ANXA3: variants seen among roughly 807,000 people sequenced by gnomAD.
ANXA3 encodes annexin A3, also known as 35-alpha calcimedin.
A neutral mutation model predicts 48.8 loss-of-function variants in ANXA3; 46 were observed. The ratio of observed to expected loss-of-function variants is 0.94; its 90% CI spans 0.74 to 1.21. ANXA3 has a LOEUF of 1.21. ANXA3 is among the 50% of genes most tolerant of loss of function. The pLI is 0.00. For synonymous variants in ANXA3, 128 were observed against 134.7 expected (o/e 0.95, Z 0.35); for missense variants, 383 against 378.6 (o/e 1.01, Z -0.10).
In ANXA3 at chr4:78,582,216, T is replaced by C; in HGVS notation, c.238T>C (p.Phe80Leu). The change falls in exon 5 of 13, where the codon TTT (phenylalanine) becomes CTT (leucine). Residue 80 changes from phenylalanine to leucine, a missense_variant. Transcript: ENST00000264908. ...CTTGAAGGGTGATCTCTCTGGCCACTTTGAGCATCTCATGGTGGCCCTAGT... is the reference window on the plus strand; with the variant it reads ...CTTGAAGGGTGATCTCTCTGGCCACCTTGAGCATCTCATGGTGGCCCTAGT... Reference protein sequence around the residue: ...DDLKGDLSGHFEHLMVALVTP... With the variant: ...DDLKGDLSGHLEHLMVALVTP... 6.2e-7 allele frequency: 1 copy of C among 1,613,686 alleles called. No homozygotes were observed. The highest frequency in any genetic ancestry group is 8.5e-7 in the Non-Finnish European group (1 of 1,179,622).
At chr4:78,587,162 A>G (rs1723196738) in intron 6 of ANXA3, among the ~76,000 whole-genome samples, 1 of 152,252 alleles carries the variant, frequency 6.6e-6, no homozygotes. Flanking sequence ...TTGATATATC[A>G]TTACCAACCA....
intron 6 of ANXA3, among the ~76,000 whole-genome samples, chr4:78,589,990 T>A (rs1299464356): frequency 2.0e-5 from 3 of 152,232 alleles, no homozygotes; most frequent in Admixed American, 2.0e-4. Flanking sequence ...GATTTTATAC[T>A]CTACTGTGCC....
At chr4:78,591,304 A>G (rs1441508773) in intron 6 of ANXA3, among the ~76,000 whole-genome samples, 1 of 152,178 alleles carries the variant, frequency 6.6e-6, no homozygotes, top group Non-Finnish European at 1.5e-5. Context: ...ATAAACCAAG[A>G]TTTGCTCCAG....
At position 78,551,864 on chromosome 4, in the gene ANXA3, GTTC is replaced by G. The variant is rs1328775783; in HGVS notation, c.-39+6_-39+8del. The G allele has an allele frequency of 6.6e-6, 1 of 152,330 alleles. No homozygotes were observed. The highest frequency in any genetic ancestry group is 1.5e-5 in the Non-Finnish European group (1 of 68,106). The allele number at this position is 152,330 out of a possible 1,614,324, so 9.4% of individuals were successfully genotyped here. On this transcript the variant is annotated splice_donor_region_variant and intron_variant, in intron 1 of 12. Transcript: ENST00000264908. ...GTTTCCCCCACCGCGCTTTGGGTAAGTTCAGCCTCCCGGCGCGTCCCCGCGAGC... is the reference window on the plus strand; with the variant it reads ...GTTTCCCCCACCGCGCTTTGGGTAAGAGCCTCCCGGCGCGTCCCCGCGAGC...
chr4:78,554,724 A>T (rs1257589291), intron 2 of ANXA3, among the ~76,000 whole-genome samples: 1 of 152,268 alleles, frequency 6.6e-6, no homozygotes, highest in Non-Finnish European at 1.5e-5. Context: ...AAAATCAGAT[A>T]ATAAATTTAG....
At chr4:78,586,384 C>A in intron 6 of ANXA3, 34 bp downstream of exon 6, 1 of 1,501,728 alleles carries the variant, frequency 6.7e-7, no homozygotes, top group South Asian at 1.2e-5. Flanking sequence ...CACCACTGTT[C>A]ACACATATTT....
chr4:78,557,592 G>T (rs913056252), intron 2 of ANXA3, among the ~76,000 whole-genome samples: 2 of 152,030 alleles, frequency 1.3e-5, no homozygotes, highest in African/African-American at 4.8e-5. Flanking sequence ...GTGGGGAGGG[G>T]CCAAAAACAG....
intron 2 of ANXA3, among the ~76,000 whole-genome samples, chr4:78,558,231 T>A (rs1722557394): frequency 6.6e-6 from 1 of 152,150 alleles, no homozygotes. Context: ...TAGGAATGAA[T>A]AAGGAAAGAG....
chr4:78,584,618 T>C (rs950699), intron 5 of ANXA3, among the ~76,000 whole-genome samples: 105,731 of 152,058 alleles, frequency 0.7, 36,959 homozygotes, highest in East Asian at 0.87. Context: ...GGGTGCTCAA[T>C]GTATTAATTA....
chr4:78,604,385 T>G lies in ANXA3; in HGVS notation c.898T>G (p.Tyr300Asp), dbSNP rs921621171. ...EFKKHYGYSL[Y>D]SAIKSDTSGD... is the part of the protein sequence containing the mutation. Reference sequence around the variant, plus strand: ...CAAGAAGCATTATGGCTATTCCCTATATTCAGCAATTAAAGTAAGTCTACT... The same window carrying G: ...CAAGAAGCATTATGGCTATTCCCTAGATTCAGCAATTAAAGTAAGTCTACT... The change falls in exon 12 of 13, where the codon TAT (tyrosine) becomes GAT (aspartate). Residue 300 changes from tyrosine to aspartate, a missense_variant. By Grantham distance (160) the Tyr-to-Asp change is radical. Transcript: ENST00000264908. 10 of 1,611,282 alleles carry G rather than the reference T, an allele frequency of 6.2e-6. No individual in the cohort carries two copies. The highest frequency in any genetic ancestry group is 8.5e-6 in the Non-Finnish European group (10 of 1,178,520).
intron 2 of ANXA3, among the ~76,000 whole-genome samples, chr4:78,568,298 T>A (rs1001875463): frequency 6.6e-6 from 1 of 152,228 alleles, no homozygotes; most frequent in Non-Finnish European, 1.5e-5. Flanking sequence ...AATTTCCAAG[T>A]TTGATTGCTT....
intron 2 of ANXA3, among the ~76,000 whole-genome samples, chr4:78,560,607 G>A (rs557068655): frequency 6.6e-6 from 1 of 152,322 alleles, no homozygotes; most frequent in South Asian, 2.1e-4. Flanking sequence ...AGACACGAAT[G>A]ATTGATTAAA....
At chr4:78,582,149 A>T (rs1036543230) in intron 4 of ANXA3, 28 bp from the exon 5 acceptor site, 1 of 1,470,004 alleles carries the variant, frequency 6.8e-7, no homozygotes, top group African/African-American at 1.4e-5. Flanking sequence ...AGTATTTCAC[A>T]TTTTTCCCCT....
intron 2 of ANXA3, among the ~76,000 whole-genome samples, chr4:78,557,187 G>T (rs1370648497): frequency 6.6e-6 from 1 of 152,124 alleles, no homozygotes; most frequent in East Asian, 1.9e-4. Flanking sequence ...GGCTCCTGGA[G>T]GTCTCTGCCT....
chr4:78,604,773 A>G (rs984136412), intron 12 of ANXA3, among the ~76,000 whole-genome samples: 1 of 152,246 alleles, frequency 6.6e-6, no homozygotes, highest in Non-Finnish European at 1.5e-5. Context: ...TACATGAGAC[A>G]GCATGGTTCT....
chr4:78,593,251 G>GA (rs201582063), intron 7 of ANXA3, among the ~76,000 whole-genome samples: 5,603 of 151,894 alleles, frequency 0.037, 362 homozygotes, highest in African/African-American at 0.13. Flanking sequence ...CATCCAGACT[G>GA]GAGTGCTGTG....
At chr4:78,553,594 A>G (rs1722445061) in intron 1 of ANXA3, among the ~76,000 whole-genome samples, 1 of 152,196 alleles carries the variant, frequency 6.6e-6, no homozygotes, top group African/African-American at 2.4e-5. Context: ...AACCCCTCAT[A>G]AGTCAAAGAG....
At chr4:78,570,436 G>A (rs1722820964) in intron 2 of ANXA3, among the ~76,000 whole-genome samples, 1 of 152,304 alleles carries the variant, frequency 6.6e-6, no homozygotes, top group East Asian at 1.9e-4. Flanking sequence ...AATCAGCCAC[G>A]TCAATATCTG....
chr4:78,602,238 T>TAAAA (rs1723558788), intron 11 of ANXA3: 1 of 85,422 alleles, frequency 1.2e-5, no homozygotes, highest in African/African-American at 6.2e-5. Flanking sequence ...AGACTCTGTC[T>TAAAA]CAAAAAAAAA....
Sources: gnomAD v4.1 joint callset for allele counts (sites outside exome capture counted in the v4.1 genomes callset) on GRCh38, gnomAD v4.1.1 for gene constraint, MANE v1.5 for transcripts, NCBI Gene and HGNC (gene_info 2026-07-23, HGNC 2026-07-21) for gene names.